The following WDPCP variants were observed in gnomAD, a reference collection of about 807,000 sequenced individuals.
WDPCP encodes WD repeat containing planar cell polarity effector.
A neutral mutation model predicts 93.1 loss-of-function variants in WDPCP; 71 were observed. The ratio of observed to expected loss-of-function variants is 0.76; its 90% CI spans 0.63 to 0.93. WDPCP has a LOEUF of 0.93. Among genes scored for constraint, WDPCP ranks in the 40% least tolerant of loss-of-function variants. The probability of loss-of-function intolerance (pLI) is 0.00; values close to 1 mark genes in which losing one functional copy is unlikely to be tolerated. For synonymous variants in WDPCP, 315 were observed against 315.0 expected (o/e 1.00, Z 0.00); for missense variants, 844 against 887.4 (o/e 0.95, Z 0.62).
intron 3 of WDPCP, among the ~76,000 whole-genome samples, chr2:63,635,309 C>G (rs1709910018): frequency 6.6e-6 from 1 of 152,210 alleles, no homozygotes. Context: ...AGAATTAATG[C>G]CAATCTTTCT....
chr2:63,707,099 T>A (rs113149957), intron 2 of WDPCP, among the ~76,000 whole-genome samples: 1 of 152,038 alleles, frequency 6.6e-6, no homozygotes, highest in African/African-American at 2.4e-5. Flanking sequence ...CTGACAATTA[T>A]GTGTCTTGGA....
chr2:63,392,880 G>A (rs2105042283), intron 10 of WDPCP, among the ~76,000 whole-genome samples: 1 of 152,306 alleles, frequency 6.6e-6, no homozygotes, highest in East Asian at 1.9e-4. Context: ...TAAAAAGTCA[G>A]GAAAACAACA....
chr2:63,660,254 T>A (rs1710212492), intron 2 of WDPCP, among the ~76,000 whole-genome samples: 1 of 152,142 alleles, frequency 6.6e-6, no homozygotes, highest in South Asian at 2.1e-4. Flanking sequence ...AAGGTCAAAG[T>A]CCCTGGGATG....
chr2:63,526,840 T>A (rs1267936317), intron 1 of WDPCP, among the ~76,000 whole-genome samples: 1 of 152,242 alleles, frequency 6.6e-6, no homozygotes, highest in Non-Finnish European at 1.5e-5. Context: ...CAGGATTACC[T>A]TGATTATTTC....
chr2:63,787,008 T>C (rs1435286854), intron 2 of WDPCP, among the ~76,000 whole-genome samples: 1 of 152,200 alleles, frequency 6.6e-6, no homozygotes, highest in East Asian at 1.9e-4. Context: ...GGGTACTATT[T>C]CTAGAAGGTT....
At chr2:63,334,218 T>C (rs559653925) in intron 12 of WDPCP, among the ~76,000 whole-genome samples, 3 of 152,346 alleles carry the variant, frequency 2.0e-5, no homozygotes, top group Non-Finnish European at 2.9e-5. Context: ...TTTCAGTGTT[T>C]ATTTCTTTCA....
intron 2 of WDPCP, among the ~76,000 whole-genome samples, chr2:63,755,198 C>T (rs1016728353): frequency 5.3e-5 from 8 of 152,124 alleles, no homozygotes; most frequent in East Asian, 1.9e-4. Flanking sequence ...CTATCTTGTT[C>T]GTTACACAGG....
chr2:63,327,820 GC>G (rs1687672856), intron 12 of WDPCP, among the ~76,000 whole-genome samples: 2 of 152,034 alleles, frequency 1.3e-5, no homozygotes, highest in South Asian at 2.1e-4. Context: ...TAGAATCGAG[GC>G]CATCAAGCTA....
chr2:63,359,474 T>C (rs1473637152), intron 12 of WDPCP, among the ~76,000 whole-genome samples: 1 of 152,210 alleles, frequency 6.6e-6, no homozygotes, highest in African/African-American at 2.4e-5. Flanking sequence ...GAGGTATCAT[T>C]ACATATCTAT....
chr2:63,399,277 G>T (rs1008755478), intron 10 of WDPCP, among the ~76,000 whole-genome samples: 3 of 152,028 alleles, frequency 2.0e-5, no homozygotes, highest in Admixed American at 2.0e-4. Context: ...AGACCTTCTT[G>T]GGAAAAAGAG....
intron 14 of WDPCP, among the ~76,000 whole-genome samples, chr2:63,179,365 G>A (rs190335652): frequency 1.7e-4 from 26 of 151,970 alleles, no homozygotes; most frequent in African/African-American, 5.1e-4. Context: ...GAAATGGAAG[G>A]TGACTGGATT....
At chr2:63,305,946 C>T (rs1685700816) in intron 13 of WDPCP, among the ~76,000 whole-genome samples, 1 of 152,208 alleles carries the variant, frequency 6.6e-6, no homozygotes, top group South Asian at 2.1e-4. Context: ...CTTCAAAAAT[C>T]AATGAATCCA....
At chr2:63,599,064 TC>T (rs2106615262) in intron 3 of WDPCP, 1 of 1,049,974 alleles carries the variant, frequency 9.5e-7, no homozygotes, top group Non-Finnish European at 1.3e-6. Flanking sequence ...TTCCCAAGCC[TC>T]CCCTGTACAA....
chr2:63,364,570 C>T (rs897351697), intron 12 of WDPCP, among the ~76,000 whole-genome samples: 1 of 152,174 alleles, frequency 6.6e-6, no homozygotes, highest in African/African-American at 2.4e-5. Flanking sequence ...AGACACATAG[C>T]TCAGTGCTAT....
At chr2:63,334,219 A>C (rs376041373) in intron 12 of WDPCP, among the ~76,000 whole-genome samples, 12 of 152,150 alleles carry the variant, frequency 7.9e-5, no homozygotes, top group East Asian at 3.9e-4. Flanking sequence ...TTCAGTGTTT[A>C]TTTCTTTCAC....
intron 1 of WDPCP, among the ~76,000 whole-genome samples, chr2:63,532,997 A>G (rs1246139586): frequency 6.6e-6 from 1 of 152,226 alleles, no homozygotes; most frequent in Admixed American, 6.5e-5. Flanking sequence ...TAGACTCAAA[A>G]TAAAGGGATG....
chr2:63,179,853 C>T (rs1674101875), intron 14 of WDPCP, among the ~76,000 whole-genome samples: 1 of 152,102 alleles, frequency 6.6e-6, no homozygotes, highest in African/African-American at 2.4e-5. Context: ...TCACTGTAAT[C>T]AGAGAAGATA....
At chr2:63,662,523 A>G (rs1027275856) in intron 2 of WDPCP, among the ~76,000 whole-genome samples, 1 of 152,158 alleles carries the variant, frequency 6.6e-6, no homozygotes, top group Admixed American at 6.5e-5. Flanking sequence ...ACATGGGAAG[A>G]GCCTACCATG....
chr2:63,330,275 G>C lies in WDPCP; in HGVS notation c.1749-16964C>G, dbSNP rs1031833375. On this transcript the variant is annotated intron_variant, in intron 12 of 17. Coordinates refer to ENST00000272321, the MANE Select transcript of WDPCP (RefSeq NM_015910.7). ...TTTGACTTTTTGGTTAGTAGGTATC[G>C]TAACAGATGTAAGGTGTTATCTCTT... Among the ~76,000 whole-genome samples, 3 of 152,090 alleles carry C rather than the reference G, an allele frequency of 2.0e-5. No homozygotes were observed. The East Asian group carries it at 5.8e-4, about 29-fold the overall frequency.
Sources: allele counts gnomAD v4.1 joint callset (sites outside exome capture counted in the v4.1 genomes callset), GRCh38; gene constraint gnomAD v4.1.1; transcripts MANE v1.5; gene names NCBI Gene and HGNC (gene_info 2026-07-23, HGNC 2026-07-21).